ZNF718: variants seen among roughly 807,000 people sequenced by gnomAD.
ZNF718 encodes zinc finger protein 718.
In ZNF718, 3 loss-of-function variants were observed where a neutral mutation model predicts 2.6. The observed-to-expected ratio is 1.16, with a 90% CI of 0.53 to 3.01. The LOEUF (loss-of-function observed/expected upper bound fraction) is 3.01, where lower values mean the gene tolerates loss of function less well. ZNF718 is among the 30% of genes most tolerant of loss of function. ZNF718 has a pLI of 0.03. For synonymous variants in ZNF718, 135 were observed against 77.9 expected (o/e 1.73, Z -3.86); for missense variants, 468 against 230.0 (o/e 2.03, Z -6.69).
In ZNF718 at chr4:133,520, A is replaced by G. The variant is rs1007393271; in HGVS notation, c.226+2015A>G. 1.6e-4 allele frequency among the ~76,000 whole-genome samples: 24 copies of G among 152,282 alleles called. No individual in the cohort carries two copies. In the East Asian group the frequency reaches 3.3e-3, roughly 21 times the overall value. On this transcript the variant is annotated intron_variant, in intron 3 of 3. Transcript: ENST00000510175. ...GCCTACTGAAGTTCTGTTGAGATCT[A>G]TCTATATATAAAAATGTGTGTCTCA... is the stretch of plus-strand genomic sequence containing the variant.
intron 3 of ZNF718, among the ~76,000 whole-genome samples, chr4:190,820 C>T (rs1417779531): frequency 1.3e-5 from 2 of 151,972 alleles, no homozygotes; most frequent in Non-Finnish European, 2.9e-5. Context: ...GCGGGCAGAT[C>T]ACAAGGTCAG....
downstream of ZNF718, among the ~76,000 whole-genome samples, chr4:166,434 C>T (rs1344812067): frequency 6.6e-6 from 1 of 152,160 alleles, no homozygotes; most frequent in South Asian, 2.1e-4. Flanking sequence ...CATTGACTTC[C>T]ACAATGGTTG....
At chr4:169,142 T>G (rs1717163958), downstream of ZNF718, among the ~76,000 whole-genome samples, 2 of 152,204 alleles carry the variant, frequency 1.3e-5, no homozygotes, top group Admixed American at 1.3e-4. Context: ...GGTTGTTCAG[T>G]TTCCATGTAG....
intron 3 of ZNF718, among the ~76,000 whole-genome samples, chr4:149,404 G>T (rs1411001609): frequency 6.6e-6 from 1 of 152,036 alleles, no homozygotes; most frequent in Non-Finnish European, 1.5e-5. Context: ...TGGTACATCT[G>T]TATATATTTA....
chr4:125,470 G>A (rs1289182015), intron 1 of ZNF718, among the ~76,000 whole-genome samples: 2 of 152,224 alleles, frequency 1.3e-5, no homozygotes, highest in African/African-American at 4.8e-5. Flanking sequence ...GGGTGGTGTC[G>A]TTAGTGAGTT....
At chr4:173,076 T>A (rs1717273106) in intron 3 of ZNF718, among the ~76,000 whole-genome samples, 1 of 151,854 alleles carries the variant, frequency 6.6e-6, no homozygotes, top group African/African-American at 2.4e-5. Context: ...TAAATAAATA[T>A]GATACACAAA....
intron 3 of ZNF718, among the ~76,000 whole-genome samples, chr4:135,412 A>G (rs946057615): frequency 1.2e-4 from 18 of 152,014 alleles, no homozygotes; most frequent in Non-Finnish European, 2.5e-4. Flanking sequence ...CATTGGTTCC[A>G]TCTTGAAAGG....
chr4:165,083 A>G (rs1427415317), downstream of ZNF718, among the ~76,000 whole-genome samples: 1 of 152,082 alleles, frequency 6.6e-6, no homozygotes, highest in East Asian at 1.9e-4. Flanking sequence ...TGATGTCTTT[A>G]TGTGTTCATC....
downstream of ZNF718, among the ~76,000 whole-genome samples, chr4:166,932 T>G (rs1553816980): frequency 6.6e-6 from 1 of 152,214 alleles, no homozygotes; most frequent in Admixed American, 6.5e-5. Context: ...TGCCCATGCC[T>G]GCGTCCTGAA....
chr4:157,666 T>C (rs1716635330), intron 3 of ZNF718, among the ~76,000 whole-genome samples: 1 of 152,188 alleles, frequency 6.6e-6, no homozygotes, highest in Non-Finnish European at 1.5e-5. Context: ...GTTTTTTTAT[T>C]CTACTCTCTT....
chr4:159,229 G>A (rs566123021), intron 3 of ZNF718, among the ~76,000 whole-genome samples: 1 of 151,700 alleles, frequency 6.6e-6, no homozygotes, highest in African/African-American at 2.4e-5. Context: ...GTAGAGACAG[G>A]GTTTCACCAT....
chr4:169,009 C>T (rs1269414608), downstream of ZNF718, among the ~76,000 whole-genome samples: 3 of 152,030 alleles, frequency 2.0e-5, no homozygotes, highest in Non-Finnish European at 2.9e-5. Context: ...AATTTCCCTC[C>T]ACACACTGCT....
chr4:174,464 C>T lies in ZNF718; in HGVS notation c.227-26617C>T, dbSNP rs547712470. On this transcript the variant is annotated intron_variant and NMD_transcript_variant, in intron 3 of 4. Coordinates refer to the ZNF718 transcript ENST00000642529. ...GAAGTAATAAGGGCACTCCATAATT[C>T]TTGTCACTTTGGGAGAGACCATCTC... 3.3e-5 allele frequency among the ~76,000 whole-genome samples: 5 copies of T among 152,292 alleles called. No homozygotes were observed. In the South Asian group the frequency reaches 1.0e-3, roughly 32 times the overall value.
intron 3 of ZNF718, among the ~76,000 whole-genome samples, chr4:176,118 A>G (rs1473117327): frequency 6.6e-6 from 1 of 152,014 alleles, no homozygotes; most frequent in Non-Finnish European, 1.5e-5. Flanking sequence ...ATAAGCTCTA[A>G]TTGCCCACAA....
downstream of ZNF718, among the ~76,000 whole-genome samples, chr4:165,635 C>A (rs1553816652): frequency 6.6e-6 from 1 of 152,166 alleles, no homozygotes; most frequent in African/African-American, 2.4e-5. Flanking sequence ...CCCGTTTCTA[C>A]TAAAAATACA....
In ZNF718 at chr4:161,183, T is replaced by C. The variant is rs782107683; in HGVS notation, c.498T>C (p.Thr166=). Residue 166 remains threonine (T), a synonymous_variant, in exon 4 of 4, where the codon ACT becomes ACC. Coordinates refer to ENST00000510175, the MANE Select transcript of ZNF718 (RefSeq NM_001039127.6). ...SNSNKDKIRY[T]GDKTFKCKEC... ...CAAACAAAGATAAGATAAGATATACTGGAGATAAAACCTTTAAATGTAAAG... is the reference window on the plus strand; with the variant it reads ...CAAACAAAGATAAGATAAGATATACCGGAGATAAAACCTTTAAATGTAAAG... The C allele has an allele frequency of 1.0e-5, 8 of 769,080 alleles. No individual in the cohort carries two copies. In the African/African-American group the frequency reaches 1.4e-4, roughly 13 times the overall value. The allele number at this position is 769,080 out of a possible 1,614,324, so 47.6% of individuals were successfully genotyped here. A position where few individuals can be genotyped will look rare whatever the true frequency, so the allele number is the denominator to read the frequency against.
intron 3 of ZNF718, among the ~76,000 whole-genome samples, chr4:191,976 G>A (rs1487257050): frequency 6.6e-6 from 1 of 152,186 alleles, no homozygotes; most frequent in Non-Finnish European, 1.5e-5. Flanking sequence ...GTGGAACCCA[G>A]GGACTAGTGT....
chr4:167,426 T>C (rs1717115934), downstream of ZNF718, among the ~76,000 whole-genome samples: 1 of 152,202 alleles, frequency 6.6e-6, no homozygotes, highest in South Asian at 2.1e-4. Flanking sequence ...ATTGAATCTA[T>C]AAATTACCTT....
chr4:126,830 T>TC (rs1236604411), intron 1 of ZNF718, among the ~76,000 whole-genome samples: 1 of 99,502 alleles, frequency 1.0e-5, no homozygotes, highest in Non-Finnish European at 2.2e-5. Context: ...AATTTTTCTC[T>TC]TTTTTTTTTT....
Sources: allele counts gnomAD v4.1 joint callset (sites outside exome capture counted in the v4.1 genomes callset), GRCh38; gene constraint gnomAD v4.1.1; transcripts MANE v1.5; gene names NCBI Gene and HGNC (gene_info 2026-07-23, HGNC 2026-07-21).